Variants in TNS3 observed in about 807,000 individuals in gnomAD.
TNS3 encodes tensin 3.
A neutral mutation model predicts 140.9 loss-of-function variants in TNS3; 45 were observed. The observed-to-expected ratio is 0.32, with a 90% CI of 0.25 to 0.41. TNS3 has a LOEUF of 0.41. Ranked by LOEUF, TNS3 falls within the 10% of genes least tolerant of loss-of-function variation. TNS3 has a pLI of 1.00. For synonymous variants in TNS3, 815 were observed against 788.4 expected (o/e 1.03, Z -0.56); for missense variants, 1,716 against 1,906.7 (o/e 0.90, Z 1.86).
Position 47,303,082 on chromosome 7 carries a change from G to C in TNS3, c.3325C>G (p.Arg1109Gly). ...PEKKRASEGD[R>G]SLGSVSPSSS... ...GAGGGAGAGACTGAGCCCAAAGAAC[G>C]ATCCCCCTCCGAGGCCCGCTTCTTC... The change falls in exon 22 of 31, where the codon CGT becomes GGT. Residue 1109 changes from arginine to glycine, a missense_variant. By Grantham distance (125) the Arg-to-Gly change is moderately radical. This residue lies in a region of TNS3 where 1,163 missense variants were observed against 1,182.1 expected (regional missense o/e 0.98). Coordinates refer to ENST00000311160, the MANE Select transcript of TNS3 (RefSeq NM_022748.12). 3.7e-6 allele frequency: 6 copies of C among 1,614,174 alleles called. No homozygotes were observed. The highest frequency in any genetic ancestry group is 1.1e-5 in the South Asian group (1 of 91,082).
intron 2 of TNS3, among the ~76,000 whole-genome samples, chr7:47,523,702 T>C (rs1188537886): frequency 6.6e-6 from 1 of 152,104 alleles, no homozygotes; most frequent in African/African-American, 2.4e-5. Context: ...CAGTTCCTGG[T>C]TCCTTCTCCT....
intron 24 of TNS3, among the ~76,000 whole-genome samples, chr7:47,294,145 G>C (rs1238894924): frequency 6.6e-6 from 1 of 152,212 alleles, no homozygotes; most frequent in Non-Finnish European, 1.5e-5. Context: ...GAATGAGCTT[G>C]CAGCTAAGAA....
intron 1 of TNS3, chr7:47,556,887 G>T: frequency 2.6e-6 from 1 of 378,562 alleles, no homozygotes; most frequent in South Asian, 1.9e-5. Flanking sequence ...GGCACCTGGC[G>T]ATTCTCAATG....
intron 4 of TNS3, chr7:47,453,322 G>T: frequency 1.1e-6 from 1 of 907,230 alleles, no homozygotes; most frequent in Non-Finnish European, 1.3e-6. Context: ...GAGTGGCTGT[G>T]CCTTCCTGGG....
chr7:47,354,883 G>A (rs1789899226), intron 17 of TNS3, among the ~76,000 whole-genome samples: 1 of 152,156 alleles, frequency 6.6e-6, no homozygotes, highest in Non-Finnish European at 1.5e-5. Flanking sequence ...TCACATGACT[G>A]GACGCTGCCC....
In TNS3 at chr7:47,529,105, C is replaced by T; in HGVS notation, c.-222G>A. The T allele has an allele frequency of 7.8e-7, 1 of 1,288,606 alleles. No homozygotes were observed. Among genetic ancestry groups the T allele is most frequent in the Non-Finnish European group, 1.0e-6 (1 of 988,636 alleles). The allele number at this position is 1,288,606 out of a possible 1,614,324, so 79.8% of individuals were successfully genotyped here. A position where few individuals can be genotyped will look rare whatever the true frequency, so the allele number is the denominator to read the frequency against. ...CCACACACTTTGGATTTTTTAAAGG[C>T]CTTGTTCTTAAAAGCGTGCAGACTC... On this transcript the variant is annotated 5_prime_UTR_variant, in exon 2 of 31. Transcript: ENST00000311160.
intron 20 of TNS3, among the ~76,000 whole-genome samples, chr7:47,316,777 C>CAAAAAAA (rs766794024): frequency 1.8e-5 from 1 of 55,992 alleles, no homozygotes; most frequent in Non-Finnish European, 4.1e-5. Flanking sequence ...GACTCCATCT[C>CAAAAAAA]AAAAAAAAAA....
chr7:47,506,213 T>C (rs1798412728), intron 3 of TNS3, among the ~76,000 whole-genome samples: 2 of 152,190 alleles, frequency 1.3e-5, no homozygotes, highest in African/African-American at 2.4e-5. Context: ...ATTCCGTAAG[T>C]ACAGCCACCA....
chr7:47,563,561 C>A (rs1036238079), intron 1 of TNS3, among the ~76,000 whole-genome samples: 6 of 152,140 alleles, frequency 3.9e-5, no homozygotes, highest in Non-Finnish European at 8.8e-5. Flanking sequence ...CCAATCTCAC[C>A]CCCAGGGTGT....
Position 47,277,890 on chromosome 7 carries a change from G to A in TNS3, c.*186C>T. On this transcript the variant is annotated 3_prime_UTR_variant, in exon 31 of 31. Transcript: ENST00000311160. ...AGATGTGTCAGATAAGTCACTTTCA[G>A]GAAAGGCCAATTCACGGTGATGTTG... The A allele has an allele frequency of 4.0e-6, 3 of 748,526 alleles. No homozygotes were observed. The highest frequency in any genetic ancestry group is 7.0e-6 in the Non-Finnish European group (3 of 430,848). The allele number at this position is 748,526 out of a possible 1,614,324, so 46.4% of individuals were successfully genotyped here. A position where few individuals can be genotyped will look rare whatever the true frequency, so the allele number is the denominator to read the frequency against.
chr7:47,575,991 C>T (rs1487245444), intron 1 of TNS3, among the ~76,000 whole-genome samples: 1 of 152,086 alleles, frequency 6.6e-6, no homozygotes, highest in Non-Finnish European at 1.5e-5. Context: ...TTAGCACCTA[C>T]CCAAGACATG....
At chr7:47,324,489 C>T (rs530797675) in intron 20 of TNS3, among the ~76,000 whole-genome samples, 27 of 152,330 alleles carry the variant, frequency 1.8e-4, no homozygotes, top group African/African-American at 6.0e-4. Context: ...AGGTGGCTCA[C>T]GCCTGTAATC....
intron 16 of TNS3, among the ~76,000 whole-genome samples, chr7:47,375,433 G>C (rs1377312498): frequency 6.6e-6 from 1 of 152,184 alleles, no homozygotes; most frequent in East Asian, 1.9e-4. Flanking sequence ...TACCAGTGAG[G>C]TTTATCGCCT....
In TNS3 at chr7:47,275,859, G is replaced by A. The variant is rs750288448; in HGVS notation, c.*2217C>T. On this transcript the variant is annotated 3_prime_UTR_variant, in exon 31 of 31. Coordinates refer to ENST00000311160, the MANE Select transcript of TNS3 (RefSeq NM_022748.12). ...TGCCGTCGAGGCATGGCTTCATGAGGGCCATCGCGGGCACCCCGATGTCTC... is the reference window on the plus strand; with the variant it reads ...TGCCGTCGAGGCATGGCTTCATGAGAGCCATCGCGGGCACCCCGATGTCTC... 59 of 455,888 alleles carry A rather than the reference G, an allele frequency of 1.3e-4. 1 individual carries two copies. The highest frequency in any genetic ancestry group is 8.7e-4 in the South Asian group (56 of 64,552). The allele number at this position is 455,888 out of a possible 1,614,324, so 28.2% of individuals were successfully genotyped here.
At position 47,389,068 on chromosome 7, in the gene TNS3, A is replaced by AGCG. The variant is rs1562675025; in HGVS notation, c.1024+7731_1024+7732insCGC. ...AAGAAGAAGAAGAAGAAGAAGAAGA[A>AGCG]GAAGAAGAAGAAGAAGAGGAAGAGG... On this transcript the variant is annotated intron_variant, in intron 16 of 30. Transcript: ENST00000311160. Among the ~76,000 whole-genome samples the AGCG allele has an allele frequency of 5.0e-5, 3 of 59,778 alleles. 1 individual carries two copies. The highest frequency in any genetic ancestry group is 7.1e-5 in the African/African-American group (1 of 14,156). The allele number at this position is 59,778 out of a possible 152,430, so 39.2% of individuals were successfully genotyped here.
At chr7:47,558,241 A>ACAGCAAGC (rs1800248516) in intron 1 of TNS3, among the ~76,000 whole-genome samples, 1 of 152,192 alleles carries the variant, frequency 6.6e-6, no homozygotes, top group African/African-American at 2.4e-5. Flanking sequence ...AGAGCAAGCT[A>ACAGCAAGC]CAGCAAGCCG....
At chr7:47,522,753 C>T (rs903466840) in intron 2 of TNS3, among the ~76,000 whole-genome samples, 2 of 151,928 alleles carry the variant, frequency 1.3e-5, no homozygotes, top group African/African-American at 4.8e-5. Flanking sequence ...ATGGTGAAAC[C>T]CCGTTTCTAC....
Position 47,576,658 on chromosome 7 carries a change from G to A in TNS3, c.-265+5393C>T, listed in dbSNP as rs1057215828. Among the ~76,000 whole-genome samples the A allele has an allele frequency of 1.1e-4, 16 of 152,354 alleles. No individual in the cohort carries two copies. The East Asian group carries it at 2.7e-3, about 26-fold the overall frequency. On this transcript the variant is annotated intron_variant, in intron 1 of 30. Transcript: ENST00000311160. Reference sequence around the variant, plus strand: ...GGGAGGAATGTGCACAGGCCAGGACGCAGATGCCCCTGCTAATGGCCCAGT... The same window carrying A: ...GGGAGGAATGTGCACAGGCCAGGACACAGATGCCCCTGCTAATGGCCCAGT...
At chr7:47,483,708 T>C (rs1797510144) in intron 3 of TNS3, among the ~76,000 whole-genome samples, 1 of 152,188 alleles carries the variant, frequency 6.6e-6, no homozygotes, top group Non-Finnish European at 1.5e-5. Flanking sequence ...GCCCACCACC[T>C]GGCCTGGCCC....
Sources: gnomAD v4.1 joint callset for allele counts (sites outside exome capture counted in the v4.1 genomes callset) on GRCh38, gnomAD v4.1.1 for gene constraint, gnomAD v4.1.1 regional missense constraint, MANE v1.5 for transcripts, NCBI Gene and HGNC (gene_info 2026-07-23, HGNC 2026-07-21) for gene names.